BET1: variants seen among roughly 807,000 people sequenced by gnomAD.
The protein encoded by BET1 is Bet1 golgi vesicular membrane trafficking protein.
In BET1, 9 loss-of-function variants were observed where a neutral mutation model predicts 13.9. The ratio of observed to expected loss-of-function variants is 0.65; its 90% CI spans 0.39 to 1.13. The LOEUF (loss-of-function observed/expected upper bound fraction) is 1.13. Ranked by LOEUF, BET1 falls within the 50% of genes most tolerant of loss-of-function variation. The pLI is 0.01. For missense variants in BET1, 127 were observed against 133.6 expected (o/e 0.95, Z 0.24); for synonymous variants, 39 against 47.3 (o/e 0.82, Z 0.72).
chr7:93,984,074 A>C (rs1795479190), intron 4 of BET1, among the ~76,000 whole-genome samples: 1 of 152,204 alleles, frequency 6.6e-6, no homozygotes, highest in Non-Finnish European at 1.5e-5. Context: ...TGGCAAGGCC[A>C]TGCTCTTTCT....
downstream of BET1, among the ~76,000 whole-genome samples, chr7:93,990,846 C>G (rs1164441244): frequency 6.7e-6 from 1 of 148,246 alleles, no homozygotes; most frequent in African/African-American, 2.5e-5. Flanking sequence ...TTTTTTTTTT[C>G]GGTCAGAAAC....
At chr7:93,978,131 G>A (rs1464972919) in intron 4 of BET1, among the ~76,000 whole-genome samples, 3 of 151,942 alleles carry the variant, frequency 2.0e-5, no homozygotes, top group African/African-American at 7.3e-5. Context: ...GAGTGCAGTG[G>A]CATGATTGGC....
chr7:93,985,596 A>C (rs1017372034), intron 4 of BET1, among the ~76,000 whole-genome samples: 1 of 152,184 alleles, frequency 6.6e-6, no homozygotes, highest in Non-Finnish European at 1.5e-5. Context: ...AATGTATTCA[A>C]ACTATATTGT....
chr7:93,969,864 A>G (rs1795231428), intron 6 of BET1, among the ~76,000 whole-genome samples: 1 of 151,822 alleles, frequency 6.6e-6, no homozygotes, highest in Non-Finnish European at 1.5e-5. Flanking sequence ...CAAATGCCCT[A>G]CTTGGTCTCA....
chr7:93,999,402 T>G, intron 1 of BET1, 108 bp from the exon 2 acceptor site: 1 of 1,345,368 alleles, frequency 7.4e-7, no homozygotes, highest in South Asian at 1.5e-5. Flanking sequence ...AAACCACATA[T>G]GTCTCTAATA....
At chr7:93,989,453 C>G (rs745776702), downstream of BET1, among the ~76,000 whole-genome samples, 10 of 151,962 alleles carry the variant, frequency 6.6e-5, no homozygotes, top group Non-Finnish European at 1.3e-4. Context: ...TGAAACTGCC[C>G]TAGGGTGGTT....
At chr7:93,989,537 C>T (rs1038643988), downstream of BET1, among the ~76,000 whole-genome samples, 3 of 152,164 alleles carry the variant, frequency 2.0e-5, no homozygotes, top group Non-Finnish European at 4.4e-5. Context: ...TGCAATTTGT[C>T]TTGTCCCATC....
rs772494003 is a variant in BET1 at position 94,004,179 on chromosome 7, AC to A, written c.19+18del. On this transcript the variant is annotated intron_variant, in intron 1 of 3. Transcript: ENST00000222547. ...CCGGTTCTAGGGCCCCGAACTTCGAACCTCAGCCCTCTTCTTACCCAGGCCT... is the reference window on the plus strand; with the variant it reads ...CCGGTTCTAGGGCCCCGAACTTCGAACTCAGCCCTCTTCTTACCCAGGCCT... 8.1e-6 allele frequency: 13 copies of A among 1,613,122 alleles called. No homozygotes were observed. The highest frequency in any genetic ancestry group is 1.1e-5 in the Non-Finnish European group (13 of 1,179,714).
intron 6 of BET1, among the ~76,000 whole-genome samples, chr7:93,971,250 T>C (rs1562799614): frequency 6.6e-6 from 1 of 151,812 alleles, no homozygotes; most frequent in Non-Finnish European, 1.5e-5. Flanking sequence ...CCAGACCCCC[T>C]TTTAACAATA....
Position 93,994,308 on chromosome 7 carries a change from T to C in BET1, c.279A>G (p.Gln93=), listed in dbSNP as rs754845000. Residue 93 remains glutamine, a synonymous_variant, in exon 4 of 4, where the codon CAA becomes CAG. Coordinates refer to ENST00000222547, the MANE Select transcript of BET1 (RefSeq NM_005868.6). ...GCATCATATAGCACAGCAGCTTTGTTTGGCTCCCTCTGGATAAAATCTTCA... is the reference window on the plus strand; with the variant it reads ...GCATCATATAGCACAGCAGCTTTGTCTGGCTCCCTCTGGATAAAATCTTCA... ...GKLKILSRGS[Q]TKLLCYMMLF... is the part of the protein sequence containing the mutation. 5 of 1,613,894 alleles carry C rather than the reference T, an allele frequency of 3.1e-6. No homozygotes were observed. The Admixed American group carries it at 8.3e-5, about 27-fold the overall frequency.
chr7:93,985,397 A>T (rs191909497), intron 4 of BET1, among the ~76,000 whole-genome samples: 1 of 152,274 alleles, frequency 6.6e-6, no homozygotes, highest in East Asian at 1.9e-4. Flanking sequence ...CACCTTAAGG[A>T]TATTATGCAG....
At chr7:93,985,364 A>G (rs910194157) in intron 4 of BET1, among the ~76,000 whole-genome samples, 2 of 152,218 alleles carry the variant, frequency 1.3e-5, no homozygotes, top group Non-Finnish European at 2.9e-5. Flanking sequence ...TTTTATGTGT[A>G]ACATAAGGCT....
At chr7:93,984,350 G>A (rs940492401) in intron 4 of BET1, among the ~76,000 whole-genome samples, 1 of 152,104 alleles carries the variant, frequency 6.6e-6, no homozygotes, top group Non-Finnish European at 1.5e-5. Flanking sequence ...GTCATATTTT[G>A]AGGTTCTGGG....
intron 5 of BET1, among the ~76,000 whole-genome samples, chr7:93,975,162 G>C (rs1339571688): frequency 6.6e-6 from 1 of 152,028 alleles, no homozygotes; most frequent in Non-Finnish European, 1.5e-5. Context: ...GTGAGATCCT[G>C]ACTAGGACTC....
chr7:93,996,920 C>T (rs111311202), intron 2 of BET1, among the ~76,000 whole-genome samples: 5 of 151,416 alleles, frequency 3.3e-5, no homozygotes, highest in African/African-American at 1.2e-4. Context: ...TTAATATTTT[C>T]CTAATGAAAT....
At position 93,976,243 on chromosome 7, in the gene BET1, T is replaced by A; in HGVS notation, c.236-143A>T. The A allele has an allele frequency of 1.4e-5, 8 of 554,288 alleles. No individual in the cohort carries two copies. In the South Asian group the frequency reaches 2.4e-4, roughly 17 times the overall value. 34.3% of individuals were successfully genotyped at this position (554,288 alleles called of 1,614,324 possible). A position where few individuals can be genotyped will look rare whatever the true frequency, so the allele number is the denominator to read the frequency against. ...TCAGAGAATTAATGGAAGGCTTATG[T>A]GATAGAAAGCTTTCTAAGTCATTAT... On this transcript the variant is annotated intron_variant and NMD_transcript_variant, in intron 4 of 6. Coordinates refer to the BET1 transcript ENST00000357520.
intron 1 of BET1, among the ~76,000 whole-genome samples, chr7:94,003,853 CAG>C (rs748529137): frequency 7.9e-5 from 12 of 152,078 alleles, no homozygotes; most frequent in Non-Finnish European, 1.6e-4. Flanking sequence ...AGTAGGGAAA[CAG>C]AAACCGGAGT....
intron 2 of BET1, among the ~76,000 whole-genome samples, chr7:93,997,978 A>C (rs891024408): frequency 2.6e-5 from 4 of 152,150 alleles, no homozygotes; most frequent in African/African-American, 9.7e-5. Context: ...AATCAGGTAA[A>C]AGTTTGGAGG....
At chr7:93,987,409 G>A (rs1416575556) in intron 4 of BET1, 1 of 152,168 alleles carries the variant, frequency 6.6e-6, no homozygotes, top group Non-Finnish European at 1.5e-5. Context: ...ACTTGCAGGA[G>A]TTGTGCAAGG....
Sources: allele counts gnomAD v4.1 joint callset (sites outside exome capture counted in the v4.1 genomes callset), GRCh38; gene constraint gnomAD v4.1.1; transcripts MANE v1.5; gene names NCBI Gene and HGNC (gene_info 2026-07-23, HGNC 2026-07-21).